The following TRIM14 variants were observed in gnomAD, a reference collection of about 807,000 sequenced individuals.
TRIM14 encodes the protein tripartite motif-containing protein 14.
In TRIM14, 28 loss-of-function variants were observed where a neutral mutation model predicts 44.5. The observed-to-expected ratio is 0.63, with a 90% CI of 0.47 to 0.86. TRIM14 has a LOEUF of 0.86. TRIM14 is among the 40% of genes least tolerant of loss of function. The pLI, the probability that TRIM14 is intolerant of heterozygous loss-of-function variation, is 0.00. For synonymous variants in TRIM14, 299 were observed against 269.2 expected, an observed-to-expected ratio of 1.11 and a Z score of -1.08; for missense variants, 607 against 611.1, an observed-to-expected ratio of 0.99 and a Z score of 0.07.
chr9:98,118,892 C>T, intron 1 of TRIM14, 90 bp downstream of exon 1: 1 of 1,358,228 alleles, frequency 7.4e-7, no homozygotes. Flanking sequence ...CCGCCACTGG[C>T]CACGGCCAGG....
chr9:98,102,690 G>C (rs141129755), intron 2 of TRIM14, among the ~76,000 whole-genome samples: 47 of 152,280 alleles, frequency 3.1e-4, no homozygotes, highest in African/African-American at 1.1e-3. Context: ...AGGGGAAATG[G>C]GGAGTAATTG....
the TRIM14 span, among the ~76,000 whole-genome samples, chr9:98,062,291 G>A: frequency 6.6e-6 from 1 of 151,980 alleles, no homozygotes; most frequent in Admixed American, 6.6e-5. Flanking sequence ...ACTTGAGTGG[G>A]GGGACACTGG....
the TRIM14 span, among the ~76,000 whole-genome samples, chr9:98,042,406 A>T: frequency 6.6e-6 from 1 of 152,114 alleles, no homozygotes; most frequent in East Asian, 1.9e-4. Flanking sequence ...TTGTTTTTCA[A>T]GCATTTATTC....
the TRIM14 span, among the ~76,000 whole-genome samples, chr9:98,049,908 A>G: frequency 6.6e-6 from 1 of 152,220 alleles, no homozygotes; most frequent in African/African-American, 2.4e-5. Context: ...AATTAAGTTT[A>G]AAGATGTTTG....
chr9:98,038,993 T>C, the TRIM14 span, among the ~76,000 whole-genome samples: 1 of 151,538 alleles, frequency 6.6e-6, no homozygotes, highest in Non-Finnish European at 1.5e-5. Context: ...GAGGTTGCAG[T>C]GAGCCGAGGT....
At chr9:98,096,751 C>T (rs1181398819) in intron 3 of TRIM14, among the ~76,000 whole-genome samples, 1 of 152,150 alleles carries the variant, frequency 6.6e-6, no homozygotes, top group African/African-American at 2.4e-5. Flanking sequence ...TGGTCCAGGC[C>T]ACCATCATCT....
the TRIM14 span, among the ~76,000 whole-genome samples, chr9:98,062,319 T>A: frequency 6.6e-6 from 1 of 152,060 alleles, no homozygotes; most frequent in African/African-American, 2.4e-5. Context: ...CAGAAGGGAA[T>A]GGCTCACAGG....
intron 1 of TRIM14, among the ~76,000 whole-genome samples, chr9:98,112,969 C>G (rs552785380): frequency 3.0e-4 from 46 of 151,476 alleles, no homozygotes; most frequent in African/African-American, 1.1e-3. Context: ...TAAAAATTAA[C>G]TGGGCATGGT....
chr9:98,073,957 TA>T lies in TRIM14; in HGVS notation c.*29-4271del, dbSNP rs374970014. On this transcript the variant is annotated intron_variant, in intron 6 of 6. Coordinates refer to the TRIM14 transcript ENST00000375098. ...ACACACCACACACCCGGCTAATTTT[TA>T]TATGTTTTGTAGAAACGGGATTTCG... is the stretch of plus-strand genomic sequence containing the variant. Among the ~76,000 whole-genome samples the T allele has an allele frequency of 3.3e-3, 500 of 152,128 alleles. 5 individuals are homozygous for T. The highest frequency in any genetic ancestry group is 0.011 in the African/African-American group (438 of 41,488).
chr9:98,116,388 G>C (rs898567793), intron 1 of TRIM14, among the ~76,000 whole-genome samples: 1 of 151,932 alleles, frequency 6.6e-6, no homozygotes, highest in Non-Finnish European at 1.5e-5. Flanking sequence ...TCCCGACCTT[G>C]TGGTAAGAAA....
downstream of TRIM14, among the ~76,000 whole-genome samples, chr9:98,064,973 T>C (rs1829093204): frequency 6.6e-6 from 1 of 152,160 alleles, no homozygotes; most frequent in Non-Finnish European, 1.5e-5. Flanking sequence ...TTAGATATAT[T>C]GCTGATCTTC....
chr9:98,087,956 G>A lies in TRIM14; in HGVS notation c.843C>T (p.Arg281=), dbSNP rs1307783240. ...LDPDTMHARL[R]LSADRLTVRC... is the part of the protein sequence containing the mutation. Reference sequence around the variant, plus strand: ...GCACCGTCAGGCGATCGGCGGACAGGCGCAGGCGCGCGTGCATCGTGTCAG... The same window carrying A: ...GCACCGTCAGGCGATCGGCGGACAGACGCAGGCGCGCGTGCATCGTGTCAG... The change falls in exon 6 of 6, where the codon CGC becomes CGT. Residue 281 remains arginine, a synonymous_variant. Transcript: ENST00000341469. 1 of 1,564,434 alleles carries A rather than the reference G, an allele frequency of 6.4e-7. No homozygotes were observed. The highest frequency in any genetic ancestry group is 1.4e-5 in the African/African-American group (1 of 71,000).
intron 1 of TRIM14, among the ~76,000 whole-genome samples, chr9:98,113,584 A>T (rs909006853): frequency 3.3e-5 from 5 of 152,146 alleles, no homozygotes; most frequent in African/African-American, 1.2e-4. Context: ...TGAACTCCTG[A>T]GCTCAAGTGA....
chr9:98,083,006 C>G, downstream of TRIM14: 2 of 1,614,098 alleles, frequency 1.2e-6, no homozygotes, highest in Non-Finnish European at 1.7e-6. Context: ...GAGGATGACA[C>G]CATCATGGAA....
chr9:98,104,513 C>T (rs1050383490), intron 2 of TRIM14, among the ~76,000 whole-genome samples: 1 of 151,382 alleles, frequency 6.6e-6, no homozygotes, highest in African/African-American at 2.4e-5. Flanking sequence ...GCAATATGGT[C>T]AGAAAGGGGT....
chr9:98,095,547 T>C lies in TRIM14; in HGVS notation c.538-518A>G, dbSNP rs975610251. Among the ~76,000 whole-genome samples, 4 of 152,248 alleles carry C rather than the reference T, an allele frequency of 2.6e-5. No individual in the cohort carries two copies. The highest frequency in any genetic ancestry group is 5.9e-5 in the Non-Finnish European group (4 of 68,040). On this transcript the variant is annotated intron_variant, in intron 3 of 5. Transcript: ENST00000341469. This position sits in a 1 kb window ranked among gnomAD's most constrained non-coding sequence, Gnocchi z 4.1. ...AGCAAGGTTCAGCTGCAGTGCTGAC[T>C]GAGGGGGTGTGGCCACCGCAGGGGA...
At chr9:98,091,197 TG>T (rs1313240972) in intron 5 of TRIM14, among the ~76,000 whole-genome samples, 1 of 152,248 alleles carries the variant, frequency 6.6e-6, no homozygotes, top group Non-Finnish European at 1.5e-5. Context: ...ATTACAGCAT[TG>T]TTTTAGAAAT....
Position 98,094,011 on chromosome 9 carries a change from T to C in TRIM14, c.700+856A>G, listed in dbSNP as rs1207098055. ...CACCCACCTCGGCCTCCCAAAGTGC[T>C]GGGATTACAGGCGTGAGCCACCACG... On this transcript the variant is annotated intron_variant, in intron 4 of 5. Transcript: ENST00000341469. 2.6e-5 allele frequency among the ~76,000 whole-genome samples: 4 copies of C among 152,338 alleles called. No individual in the cohort carries two copies. In the East Asian group the frequency reaches 7.7e-4, roughly 29 times the overall value.
At chr9:98,111,768 G>A (rs962628639) in intron 1 of TRIM14, among the ~76,000 whole-genome samples, 3 of 151,914 alleles carry the variant, frequency 2.0e-5, no homozygotes, top group Non-Finnish European at 2.9e-5. Context: ...GAGAAACCCC[G>A]TCTCTACTAC....
Sources: gnomAD v4.1 joint callset for allele counts (sites outside exome capture counted in the v4.1 genomes callset) on GRCh38, gnomAD v4.1.1 for gene constraint, Gnocchi (gnomAD v3.1) non-coding constraint, MANE v1.5 for transcripts, NCBI Gene and HGNC (gene_info 2026-07-23, HGNC 2026-07-21) for gene names.